The following MMP26 variants were observed in gnomAD, a reference collection of about 807,000 sequenced individuals.
MMP26 encodes matrix metalloproteinase-26.
MMP26 carries 33 observed loss-of-function variants against 31.0 expected under a neutral mutation model. The observed-to-expected ratio is 1.06, with a 90% CI of 0.81 to 1.42. The LOEUF is 1.42. MMP26 is among the 40% of genes most tolerant of loss of function. The pLI, the probability that MMP26 is intolerant of heterozygous loss-of-function variation, is 0.00. For missense variants in MMP26, 347 were observed against 316.1 expected, an observed-to-expected ratio of 1.10 and a Z score of -0.74; for synonymous variants, 122 against 114.9, an observed-to-expected ratio of 1.06 and a Z score of -0.40.
At chr11:4,860,606 CT>C (rs1392957507) in intron 2 of MMP26, 4 of 407,266 alleles carry the variant, frequency 9.8e-6, no homozygotes, top group Admixed American at 9.1e-5. Context: ...CTCCACTTGG[CT>C]CACAGCTCCT....
chr11:4,778,721 T>C (rs34471580), intron 2 of MMP26, among the ~76,000 whole-genome samples: 14,405 of 152,102 alleles, frequency 0.095, 855 homozygotes, highest in Middle Eastern at 0.15. Context: ...TTTAAAATAT[T>C]AAACCTTATA....
chr11:4,735,434 G>T (rs555290058), intron 1 of MMP26, among the ~76,000 whole-genome samples: 3 of 152,226 alleles, frequency 2.0e-5, no homozygotes, highest in African/African-American at 7.2e-5. Context: ...TGTGTCCTCA[G>T]AGCTCCTCAT....
At chr11:4,747,674 T>A (rs1287530909) in intron 1 of MMP26, among the ~76,000 whole-genome samples, 1 of 152,118 alleles carries the variant, frequency 6.6e-6, no homozygotes, top group East Asian at 1.9e-4. Flanking sequence ...ATTGGAGACC[T>A]AGAGAACTCT....
At chr11:4,937,239 C>A (rs1015217396) in intron 2 of MMP26, 9 of 152,120 alleles carry the variant, frequency 5.9e-5, no homozygotes, top group Non-Finnish European at 1.3e-4. Context: ...TCTGTGAACT[C>A]CATCTGACTA....
intron 2 of MMP26, among the ~76,000 whole-genome samples, chr11:4,916,470 CTTCTT>C (rs1158799266): frequency 1.3e-5 from 2 of 151,468 alleles, no homozygotes; most frequent in Non-Finnish European, 1.5e-5. Context: ...TTTATTTCAC[CTTCTT>C]TTCTTTTCCT....
chr11:4,753,298 T>C (rs959116431), intron 1 of MMP26, among the ~76,000 whole-genome samples: 12 of 152,190 alleles, frequency 7.9e-5, no homozygotes, highest in Non-Finnish European at 1.5e-4. Flanking sequence ...TCATGTATTA[T>C]ATACTGTTTG....
chr11:4,915,181 A>G (rs1739158567), intron 2 of MMP26: 1 of 1,614,070 alleles, frequency 6.2e-7, no homozygotes, highest in African/African-American at 1.3e-5. Context: ...GTAATGGAAA[A>G]ATGAGTGCTA....
intron 2 of MMP26, among the ~76,000 whole-genome samples, chr11:4,866,757 C>T (rs1435975559): frequency 1.3e-5 from 2 of 151,998 alleles, no homozygotes; most frequent in African/African-American, 2.4e-5. Flanking sequence ...TGGGAAAGAA[C>T]AGAAAACCCA....
intron 2 of MMP26, among the ~76,000 whole-genome samples, chr11:4,835,229 C>CACACAG: frequency 6.6e-6 from 1 of 151,754 alleles, no homozygotes; most frequent in Non-Finnish European, 1.5e-5. Context: ...CACACACACA[C>CACACAG]ACACATACAC....
chr11:4,954,589 C>T (rs1846409239), intron 2 of MMP26, among the ~76,000 whole-genome samples: 1 of 124,724 alleles, frequency 8.0e-6, no homozygotes, highest in East Asian at 2.3e-4. Context: ...GAAATGGGGA[C>T]ATAAGGCAAC....
intron 1 of MMP26, among the ~76,000 whole-genome samples, chr11:4,745,090 G>T (rs1848362551): frequency 6.6e-6 from 1 of 152,126 alleles, no homozygotes; most frequent in African/African-American, 2.4e-5. Flanking sequence ...TCGATGTTAT[G>T]AAAATTATAA....
chr11:4,856,413 A>C (rs1454709337), intron 2 of MMP26, among the ~76,000 whole-genome samples: 1 of 152,136 alleles, frequency 6.6e-6, no homozygotes, highest in Non-Finnish European at 1.5e-5. Flanking sequence ...AAAAGCAGGG[A>C]TTGCAATCCT....
chr11:4,957,219 G>A (rs1165885728), intron 2 of MMP26, among the ~76,000 whole-genome samples: 5 of 152,264 alleles, frequency 3.3e-5, no homozygotes, highest in African/African-American at 1.2e-4. Context: ...TATAAACAAT[G>A]CCTGCCTGCT....
chr11:4,915,102 C>A (rs1473555714), intron 2 of MMP26: 2 of 1,613,988 alleles, frequency 1.2e-6, no homozygotes, highest in Admixed American at 3.3e-5. Context: ...TTCATCACTT[C>A]TTGGTGGAGA....
At chr11:4,989,078 G>T (rs537828539) in intron 3 of MMP26, among the ~76,000 whole-genome samples, 60 of 152,302 alleles carry the variant, frequency 3.9e-4, no homozygotes, top group African/African-American at 1.4e-3. Flanking sequence ...TACAGACAGA[G>T]AAAGCCTAAT....
At chr11:4,921,136 G>T (rs1851176920) in intron 2 of MMP26, among the ~76,000 whole-genome samples, 2 of 152,332 alleles carry the variant, frequency 1.3e-5, no homozygotes, top group Admixed American at 1.3e-4. Flanking sequence ...CATAGGCGCA[G>T]CTTGTAGGAC....
intron 2 of MMP26, among the ~76,000 whole-genome samples, chr11:4,829,798 A>C (rs1366902094): frequency 6.6e-6 from 1 of 152,162 alleles, no homozygotes; most frequent in Admixed American, 6.5e-5. Context: ...TTCCACCTCA[A>C]GTCTGCCTGT....
chr11:4,719,939 C>T (rs371367261), intron 1 of MMP26, among the ~76,000 whole-genome samples: 1 of 152,152 alleles, frequency 6.6e-6, no homozygotes, highest in African/African-American at 2.4e-5. Flanking sequence ...TAACATCACG[C>T]TGCTCTCAAA....
intron 2 of MMP26, among the ~76,000 whole-genome samples, chr11:4,961,368 A>G (rs1191113243): frequency 6.6e-6 from 1 of 152,194 alleles, no homozygotes; most frequent in Non-Finnish European, 1.5e-5. Context: ...GATGGTGCCC[A>G]GCAACATTGA....
Sources: allele counts gnomAD v4.1 joint callset (sites outside exome capture counted in the v4.1 genomes callset), GRCh38; gene constraint gnomAD v4.1.1; transcripts MANE v1.5; gene names NCBI Gene and HGNC (gene_info 2026-07-23, HGNC 2026-07-21).